The following GRIA4 variants were observed in gnomAD, a reference collection of about 807,000 sequenced individuals.
GRIA4 encodes the protein glutamate receptor 4.
A neutral mutation model predicts 104.0 loss-of-function variants in GRIA4; 34 were observed. That is an observed-to-expected ratio of 0.33 (90% CI 0.25 to 0.44). The LOEUF (loss-of-function observed/expected upper bound fraction) is 0.44. GRIA4 is among the 20% of genes least tolerant of loss of function. The probability of loss-of-function intolerance (pLI) is 1.00; values close to 1 mark genes in which losing one functional copy is unlikely to be tolerated. For synonymous variants in GRIA4, 386 were observed against 381.9 expected, an observed-to-expected ratio of 1.01 and a Z score of -0.13; for missense variants, 750 against 1,096.5, an observed-to-expected ratio of 0.68 and a Z score of 4.46.
chr11:105,979,414 C>T (rs1454832430), intron 16 of GRIA4, among the ~76,000 whole-genome samples, 161 bp from the exon 17 acceptor site: 1 of 152,138 alleles, frequency 6.6e-6, no homozygotes, highest in African/African-American at 2.4e-5. Flanking sequence ...GTTAAGCTTT[C>T]CTTTCCCTGG....
intron 14 of GRIA4, among the ~76,000 whole-genome samples, chr11:105,970,132 T>C (rs1483915852): frequency 6.6e-6 from 1 of 152,162 alleles, no homozygotes; most frequent in Admixed American, 6.5e-5. Flanking sequence ...TATTAAATCA[T>C]GCTCATGTCA....
intron 4 of GRIA4, among the ~76,000 whole-genome samples, chr11:105,800,446 G>A (rs1319595037): frequency 6.6e-6 from 1 of 152,026 alleles, no homozygotes; most frequent in Non-Finnish European, 1.5e-5. Flanking sequence ...GACTCCTAAT[G>A]ATAATGTGTC....
intron 4 of GRIA4, among the ~76,000 whole-genome samples, chr11:105,796,303 T>A (rs1453914939): frequency 6.6e-6 from 1 of 152,142 alleles, no homozygotes; most frequent in African/African-American, 2.4e-5. Flanking sequence ...TTTGATCAAA[T>A]CTTCAATCTG....
rs889383570 is a variant in GRIA4 at position 105,981,771 on chromosome 11, C to T, written c.*2032C>T. 12 of 152,646 alleles carry T rather than the reference C, an allele frequency of 7.9e-5. No homozygotes were observed. The highest frequency in any genetic ancestry group is 2.9e-4 in the African/African-American group (12 of 41,446). The allele number at this position is 152,646 out of a possible 1,614,324, so 9.5% of individuals were successfully genotyped here. A position where few individuals can be genotyped will look rare whatever the true frequency, so the allele number is the denominator to read the frequency against. On this transcript the variant is annotated 3_prime_UTR_variant, in exon 17 of 17. Transcript: ENST00000282499. ...ACTATTTCCTCAGTGCGTAACTCCT[C>T]CCTGTCTCCTCTTTACCTGAGTAAC...
At chr11:105,666,836 C>T (rs1284961612) in intron 3 of GRIA4, among the ~76,000 whole-genome samples, 1 of 151,344 alleles carries the variant, frequency 6.6e-6, no homozygotes, top group Non-Finnish European at 1.5e-5. Flanking sequence ...TCTCCTTTGC[C>T]ATTTTTTTAA....
intron 16 of GRIA4, among the ~76,000 whole-genome samples, chr11:105,975,929 G>A (rs983522692): frequency 4.6e-5 from 7 of 152,074 alleles, no homozygotes; most frequent in African/African-American, 1.7e-4. Context: ...TCCAAATTTT[G>A]TGAAAAAGAA....
Position 105,950,846 on chromosome 11 carries a change from C to G in GRIA4, c.2294+16877C>G, listed in dbSNP as rs147096127. Among the ~76,000 whole-genome samples the G allele has an allele frequency of 1.4e-4, 21 of 152,142 alleles. No homozygotes were observed. The East Asian group carries it at 3.9e-3, about 28-fold the overall frequency. On this transcript the variant is annotated intron_variant, in intron 14 of 16. Transcript: ENST00000282499. ...TTCCCAGGAAAAAGAAAATTTCCCA[C>G]AGAGAGCCATAGAAGGATGAATATA...
intron 4 of GRIA4, among the ~76,000 whole-genome samples, chr11:105,763,527 A>G (rs981457262): frequency 5.9e-5 from 9 of 152,108 alleles, no homozygotes; most frequent in African/African-American, 2.2e-4. Flanking sequence ...CCTTCATATG[A>G]TAACATCTAC....
intron 3 of GRIA4, among the ~76,000 whole-genome samples, chr11:105,734,978 G>T (rs1484574623): frequency 6.6e-6 from 1 of 152,096 alleles, no homozygotes; most frequent in Non-Finnish European, 1.5e-5. Flanking sequence ...TTATAGCCAC[G>T]ATGATATTAA....
chr11:105,861,403 A>G (rs1383999281), intron 4 of GRIA4, among the ~76,000 whole-genome samples: 1 of 152,162 alleles, frequency 6.6e-6, no homozygotes, highest in Non-Finnish European at 1.5e-5. Context: ...CTTACTGATT[A>G]GGAGTACCAG....
At chr11:105,614,652 A>T (rs979512216) in intron 3 of GRIA4, among the ~76,000 whole-genome samples, 9 of 152,026 alleles carry the variant, frequency 5.9e-5, no homozygotes, top group South Asian at 2.1e-4. Context: ...ATGTTTAAAA[A>T]TTTTTTAAGA....
intron 4 of GRIA4, among the ~76,000 whole-genome samples, chr11:105,842,598 C>T (rs80189380): frequency 1.3e-3 from 198 of 152,240 alleles, no homozygotes; most frequent in African/African-American, 4.5e-3. Flanking sequence ...TTTCACATTG[C>T]TCAACCACCT....
intron 3 of GRIA4, among the ~76,000 whole-genome samples, chr11:105,704,499 C>A (rs1459163506): frequency 1.3e-5 from 2 of 152,024 alleles, no homozygotes; most frequent in South Asian, 2.1e-4. Flanking sequence ...GAAGACTAAG[C>A]TCTTGGTGGA....
At chr11:105,805,956 G>A (rs1357331045) in intron 4 of GRIA4, among the ~76,000 whole-genome samples, 1 of 151,726 alleles carries the variant, frequency 6.6e-6, no homozygotes, top group African/African-American at 2.4e-5. Flanking sequence ...AGATTAGAGA[G>A]GCCTTAAAAC....
chr11:105,918,683 C>T (rs778765120), intron 10 of GRIA4, 29 bp from the exon 11 acceptor site: 5 of 1,061,170 alleles, frequency 4.7e-6, no homozygotes, highest in Non-Finnish European at 5.8e-6. Context: ...TATAATTTCT[C>T]CTTTACAGTT....
intron 4 of GRIA4, among the ~76,000 whole-genome samples, chr11:105,817,188 T>C (rs1943412553): frequency 6.6e-6 from 1 of 151,870 alleles, no homozygotes; most frequent in Non-Finnish European, 1.5e-5. Context: ...TCTATCTTGT[T>C]AGTGTGCCAT....
intron 3 of GRIA4, among the ~76,000 whole-genome samples, chr11:105,708,396 A>G (rs1953786326): frequency 6.6e-6 from 1 of 152,150 alleles, no homozygotes; most frequent in Non-Finnish European, 1.5e-5. Context: ...GCCCTTTATA[A>G]CATTTCCTCC....
intron 14 of GRIA4, among the ~76,000 whole-genome samples, chr11:105,951,695 G>T (rs1044615295): frequency 6.6e-6 from 1 of 152,050 alleles, no homozygotes; most frequent in African/African-American, 2.4e-5. Flanking sequence ...AAAAATGGGA[G>T]TGGGTATGGT....
intron 3 of GRIA4, among the ~76,000 whole-genome samples, chr11:105,732,619 C>G (rs1019542149): frequency 2.0e-5 from 3 of 152,136 alleles, no homozygotes; most frequent in Admixed American, 2.0e-4. Flanking sequence ...ACTCCAGTGC[C>G]TTCTATTGAT....
Sources: gnomAD v4.1 joint callset for allele counts (sites outside exome capture counted in the v4.1 genomes callset) on GRCh38, gnomAD v4.1.1 for gene constraint, MANE v1.5 for transcripts, NCBI Gene and HGNC (gene_info 2026-07-23, HGNC 2026-07-21) for gene names.